PRKAG2: variants seen among roughly 807,000 people sequenced by gnomAD.
PRKAG2 encodes the protein 5'-AMP-activated protein kinase subunit gamma-2.
In PRKAG2, 26 loss-of-function variants were observed where a neutral mutation model predicts 69.6. The observed-to-expected ratio is 0.37, with a 90% confidence interval of 0.27 to 0.52. PRKAG2 has a LOEUF of 0.52. Among genes scored for constraint, PRKAG2 ranks in the 20% least tolerant of loss-of-function variants. The probability of loss-of-function intolerance (pLI) is 0.90; values close to 1 mark genes in which losing one functional copy is unlikely to be tolerated. For synonymous variants in PRKAG2, 293 were observed against 285.0 expected, an observed-to-expected ratio of 1.03 and a Z score of -0.28; for missense variants, 557 against 740.0, an observed-to-expected ratio of 0.75 and a Z score of 2.87.
At chr7:151,720,022 G>A (rs1190024879) in intron 3 of PRKAG2, among the ~76,000 whole-genome samples, 2 of 152,212 alleles carry the variant, frequency 1.3e-5, no homozygotes, top group African/African-American at 4.8e-5. Context: ...ACCCCCAGGG[G>A]ATGTGCTTAG....
intron 3 of PRKAG2, among the ~76,000 whole-genome samples, chr7:151,739,870 G>T (rs75407847): frequency 6.6e-6 from 1 of 152,016 alleles, no homozygotes; most frequent in Admixed American, 6.6e-5. Flanking sequence ...AAACCCTTAC[G>T]GCCCAATCCA....
At position 151,576,250 on chromosome 7, in the gene PRKAG2, G is replaced by A; in HGVS notation, c.946+121C>T. ...GCCACTGCACCCTGCCAGCAAGAAT[G>A]TTCTTTAACTTGGAAACATGTTTAC... On this transcript the variant is annotated intron_variant, in intron 7 of 15. Transcript: ENST00000287878. The A allele has an allele frequency of 4.9e-6, 5 of 1,015,438 alleles. 1 individual carries two copies. In the South Asian group the frequency reaches 5.5e-5, roughly 11 times the overall value. 62.9% of individuals were successfully genotyped at this position (1,015,438 alleles called of 1,614,324 possible). A position where few individuals can be genotyped will look rare whatever the true frequency, so the allele number is the denominator to read the frequency against.
chr7:151,655,351 A>T (rs2151412504), intron 4 of PRKAG2, among the ~76,000 whole-genome samples: 2 of 152,238 alleles, frequency 1.3e-5, no homozygotes, highest in South Asian at 4.1e-4. Flanking sequence ...AGCCCTCCTT[A>T]ATCTCTCTGC....
chr7:151,568,880 G>C (rs368737986), intron 10 of PRKAG2, 38 bp from the exon 11 acceptor site: 18 of 1,611,366 alleles, frequency 1.1e-5, no homozygotes, highest in Admixed American at 1.7e-5. Context: ...GGAGGCTTTC[G>C]AGAAAAATCA....
chr7:151,739,868 A>T (rs2073747867), intron 3 of PRKAG2, among the ~76,000 whole-genome samples: 1 of 152,118 alleles, frequency 6.6e-6, no homozygotes, highest in African/African-American at 2.4e-5. Context: ...TGAAACCCTT[A>T]CGGCCCAATC....
intron 1 of PRKAG2, among the ~76,000 whole-genome samples, chr7:151,842,148 G>C (rs2079314190): frequency 7.8e-6 from 1 of 128,756 alleles, no homozygotes; most frequent in Non-Finnish European, 1.7e-5. Flanking sequence ...GGTAGGTGGG[G>C]ATGGTAGTGA....
At chr7:151,692,566 A>ATTT (rs11459865) in intron 3 of PRKAG2, among the ~76,000 whole-genome samples, 23 of 151,374 alleles carry the variant, frequency 1.5e-4, no homozygotes, top group African/African-American at 2.2e-4. Context: ...AGAATAGCAC[A>ATTT]TTTTTTTTTA....
At chr7:151,624,734 G>A (rs1381854252) in intron 5 of PRKAG2, among the ~76,000 whole-genome samples, 3 of 152,112 alleles carry the variant, frequency 2.0e-5, no homozygotes, top group South Asian at 2.1e-4. Flanking sequence ...ACCCACCGTC[G>A]GGTGGAGAAG....
intron 5 of PRKAG2, chr7:151,631,813 C>G: frequency 2.0e-6 from 1 of 495,338 alleles, no homozygotes; most frequent in Non-Finnish European, 3.9e-6. Flanking sequence ...GCCGCCCGTC[C>G]GTGTGGATGC....
At chr7:151,816,609 C>A (rs774162871) in intron 1 of PRKAG2, among the ~76,000 whole-genome samples, 1 of 152,232 alleles carries the variant, frequency 6.6e-6, no homozygotes, top group Non-Finnish European at 1.5e-5. Context: ...AACCAGAGGG[C>A]AGTGCTAGCA....
chr7:151,741,786 G>C (rs1171041392), intron 3 of PRKAG2, among the ~76,000 whole-genome samples: 2 of 152,140 alleles, frequency 1.3e-5, no homozygotes, highest in African/African-American at 2.4e-5. Flanking sequence ...CCGTGCTTGA[G>C]TTTAAATGGT....
At chr7:151,588,222 G>A (rs1184959179) in intron 6 of PRKAG2, among the ~76,000 whole-genome samples, 2 of 152,028 alleles carry the variant, frequency 1.3e-5, no homozygotes, top group African/African-American at 4.8e-5. Context: ...GTTTGGCTGT[G>A]TCCCCACCCA....
rs1034402704 is a variant in PRKAG2 at position 151,759,973 on chromosome 7, G to A, written c.466+21179C>T. ...TTCTAGTACGGGCTCCAGGCTGAGC[G>A]GCTGTCCCAAGATGTGGACTGTGGT... On this transcript the variant is annotated intron_variant, in intron 3 of 15. Transcript: ENST00000287878. Among the ~76,000 whole-genome samples, 5 of 152,220 alleles carry A rather than the reference G, an allele frequency of 3.3e-5. No homozygotes were observed. The East Asian group carries it at 7.7e-4, about 23-fold the overall frequency.
intron 6 of PRKAG2, among the ~76,000 whole-genome samples, chr7:151,587,022 G>A (rs544433381): frequency 4.6e-5 from 7 of 152,150 alleles, no homozygotes; most frequent in Admixed American, 2.6e-4. Flanking sequence ...TTAGCTAGGC[G>A]TGTTGTTGCC....
intron 1 of PRKAG2, among the ~76,000 whole-genome samples, chr7:151,855,255 C>A (rs1404451690): frequency 7.1e-6 from 1 of 139,960 alleles, no homozygotes; most frequent in Non-Finnish European, 1.6e-5. Flanking sequence ...CACACACCAC[C>A]CTCCACACAC....
At chr7:151,611,870 A>G (rs767756626) in intron 5 of PRKAG2, among the ~76,000 whole-genome samples, 3 of 152,274 alleles carry the variant, frequency 2.0e-5, no homozygotes, top group Non-Finnish European at 2.9e-5. Context: ...TCAGGCCAAC[A>G]TGAAACCTCA....
At chr7:151,743,170 G>T (rs893656734) in intron 3 of PRKAG2, among the ~76,000 whole-genome samples, 5 of 152,166 alleles carry the variant, frequency 3.3e-5, no homozygotes, top group African/African-American at 1.2e-4. Context: ...AAAGGGAGGG[G>T]CTGAAAAAGG....
At chr7:151,765,013 CA>C (rs1586370868) in intron 3 of PRKAG2, among the ~76,000 whole-genome samples, 2 of 152,314 alleles carry the variant, frequency 1.3e-5, no homozygotes, top group East Asian at 1.9e-4. Context: ...TGTCTATGGC[CA>C]GGGGGGCTTA....
chr7:151,780,138 G>A lies in PRKAG2; in HGVS notation c.466+1014C>T, dbSNP rs535531594. Among the ~76,000 whole-genome samples, 1 of 152,294 alleles carries A rather than the reference G, an allele frequency of 6.6e-6. No individual in the cohort carries two copies. Among genetic ancestry groups the A allele is most frequent in the Non-Finnish European group, 1.5e-5 (1 of 68,022 alleles). On this transcript the variant is annotated intron_variant, in intron 3 of 15. Coordinates refer to ENST00000287878, the MANE Select transcript of PRKAG2 (RefSeq NM_016203.4). This position sits in a 1 kb window ranked among gnomAD's most constrained non-coding sequence, Gnocchi z 4.2. ...ATCTGCTCCACTCACACAGAATACG[G>A]CCACCATCCCCTCCACCTCCAAGGT... is the stretch of plus-strand genomic sequence containing the variant.
Sources: gnomAD v4.1 joint callset for allele counts (sites outside exome capture counted in the v4.1 genomes callset) on GRCh38, gnomAD v4.1.1 for gene constraint, Gnocchi (gnomAD v3.1) non-coding constraint, MANE v1.5 for transcripts, NCBI Gene and HGNC (gene_info 2026-07-23, HGNC 2026-07-21) for gene names.